Variants in GK5 observed in about 807,000 individuals in gnomAD.
GK5 encodes glycerol kinase 5.
GK5 carries 39 observed loss-of-function variants against 77.3 expected under a neutral mutation model. The observed-to-expected ratio is 0.50, with a 90% CI of 0.39 to 0.66. The LOEUF (loss-of-function observed/expected upper bound fraction) is 0.66. GK5 is among the 30% of genes least tolerant of loss of function. The probability of loss-of-function intolerance (pLI) is 0.00; values close to 1 mark genes in which losing one functional copy is unlikely to be tolerated. For missense variants in GK5, 487 were observed against 633.8 expected, an observed-to-expected ratio of 0.77 and a Z score of 2.49; for synonymous variants, 211 against 208.0, an observed-to-expected ratio of 1.01 and a Z score of -0.13.
intron 12 of GK5, among the ~76,000 whole-genome samples, chr3:142,174,420 A>C (rs2063580631): frequency 6.6e-6 from 1 of 152,196 alleles, no homozygotes; most frequent in Admixed American, 6.5e-5. Context: ...CATAAAACTA[A>C]GATTAGTCAG....
intron 1 of GK5, among the ~76,000 whole-genome samples, chr3:142,221,523 AT>A (rs890042099): frequency 1.6e-4 from 25 of 151,880 alleles, no homozygotes; most frequent in South Asian, 8.3e-4. Flanking sequence ...ATAAAAGTTA[AT>A]TTTTTTTTAT....
intron 4 of GK5, among the ~76,000 whole-genome samples, chr3:142,203,406 A>G (rs981692745): frequency 9.2e-5 from 14 of 152,228 alleles, no homozygotes; most frequent in Admixed American, 6.5e-5. Flanking sequence ...TGCTGTAGAC[A>G]GTCCCCTGGG....
At chr3:142,200,309 A>G (rs2064001309) in intron 4 of GK5, among the ~76,000 whole-genome samples, 1 of 152,138 alleles carries the variant, frequency 6.6e-6, no homozygotes, top group Non-Finnish European at 1.5e-5. Flanking sequence ...CTGGGATTAC[A>G]GGTGTGGATC....
chr3:142,205,806 G>A (rs2064097470), intron 3 of GK5, among the ~76,000 whole-genome samples: 1 of 152,096 alleles, frequency 6.6e-6, no homozygotes, highest in Admixed American at 6.5e-5. Flanking sequence ...ACAATTCAGT[G>A]GCAGTAAGTA....
intron 1 of GK5, among the ~76,000 whole-genome samples, chr3:142,223,137 T>C (rs2064376761): frequency 6.6e-6 from 1 of 152,202 alleles, no homozygotes; most frequent in African/African-American, 2.4e-5. Flanking sequence ...CTCACAGCAA[T>C]CTTGATCCAT....
At chr3:142,184,260 C>CAAAAAAAAAAAAAAA (rs1161704184) in intron 9 of GK5, among the ~76,000 whole-genome samples, 5 of 10,674 alleles carry the variant, frequency 4.7e-4, no homozygotes, top group Non-Finnish European at 7.0e-4. Flanking sequence ...GACTCTGTCT[C>CAAAAAAAAAAAAAAA]AAAAAAAAAA....
chr3:142,210,135 A>G (rs905574209), intron 3 of GK5, among the ~76,000 whole-genome samples: 1 of 152,164 alleles, frequency 6.6e-6, no homozygotes, highest in African/African-American at 2.4e-5. Flanking sequence ...GGTCCCTAAC[A>G]GGGGGATGGG....
At chr3:142,175,542 G>A (rs565976767) in intron 12 of GK5, among the ~76,000 whole-genome samples, 1 of 152,182 alleles carries the variant, frequency 6.6e-6, no homozygotes, top group Admixed American at 6.5e-5. Context: ...GTTCACATAG[G>A]CAGATTATAG....
rs528180940 is a variant in GK5 at position 142,219,101 on chromosome 3, A to G, written c.148-3409T>C. 2.6e-5 allele frequency among the ~76,000 whole-genome samples: 4 copies of G among 152,292 alleles called. No homozygotes were observed. The South Asian group carries it at 6.2e-4, about 24-fold the overall frequency. ...GATGTGGAACAACTGGAACTCTGAT[A>G]CATTGTTGATGAGAATGCAAAATGG... On this transcript the variant is annotated intron_variant, in intron 1 of 15. Transcript: ENST00000392993.
intron 5 of GK5, among the ~76,000 whole-genome samples, chr3:142,189,548 C>T (rs2063819951): frequency 6.6e-6 from 1 of 152,008 alleles, no homozygotes. Context: ...AGCACAATGC[C>T]TGACAGGTGG....
chr3:142,166,966 G>C (rs1174085103), intron 15 of GK5, among the ~76,000 whole-genome samples: 6 of 152,146 alleles, frequency 3.9e-5, no homozygotes, highest in Non-Finnish European at 5.9e-5. Flanking sequence ...AAATCTTCAT[G>C]AAGTACATTT....
At chr3:142,207,182 G>A (rs1006005512) in intron 3 of GK5, among the ~76,000 whole-genome samples, 3 of 152,146 alleles carry the variant, frequency 2.0e-5, no homozygotes, top group Admixed American at 2.0e-4. Flanking sequence ...CATAGCTCTG[G>A]GAATGGAATG....
intron 3 of GK5, among the ~76,000 whole-genome samples, chr3:142,210,722 A>G (rs1011034150): frequency 1.3e-5 from 2 of 152,238 alleles, no homozygotes; most frequent in African/African-American, 4.8e-5. Flanking sequence ...ACCAGTAAGG[A>G]AAGTGAACTG....
At chr3:142,216,269 A>G (rs2064275743) in intron 1 of GK5, among the ~76,000 whole-genome samples, 1 of 152,166 alleles carries the variant, frequency 6.6e-6, no homozygotes, top group South Asian at 2.1e-4. Flanking sequence ...TAGGGCACAG[A>G]GGAAGTGCCA....
Position 142,159,179 on chromosome 3 carries a change from G to T in GK5, c.*6443C>A, listed in dbSNP as rs550729238. On this transcript the variant is annotated 3_prime_UTR_variant, in exon 16 of 16. Coordinates refer to ENST00000392993, the MANE Select transcript of GK5 (RefSeq NM_001039547.3). ...TATGAACAGATATTTCACTGAAAAG[G>T]ATAAACAGAATGGTTGAAATAAGAA... 1 of 152,276 alleles carries T rather than the reference G, an allele frequency of 6.6e-6. No individual in the cohort carries two copies. The highest frequency in any genetic ancestry group is 1.9e-4 in the East Asian group (1 of 5,186). The allele number at this position is 152,276 out of a possible 1,614,324, so 9.4% of individuals were successfully genotyped here. A position where few individuals can be genotyped will look rare whatever the true frequency, so the allele number is the denominator to read the frequency against.
chr3:142,186,515 T>C lies in GK5; in HGVS notation c.620-2A>G, dbSNP rs1182237550. On this transcript the variant is annotated splice_acceptor_variant, in intron 6 of 15. Transcript: ENST00000392993. LOFTEE classifies it high-confidence loss of function. ...AAAAATCTGTGGCATATACAGAACCTAAATTTAAATAGGAAATAATACATT... is the reference window on the plus strand; with the variant it reads ...AAAAATCTGTGGCATATACAGAACCCAAATTTAAATAGGAAATAATACATT... 1.4e-6 allele frequency: 2 copies of C among 1,424,474 alleles called. No individual in the cohort carries two copies. The highest frequency in any genetic ancestry group is 1.4e-5 in the African/African-American group (1 of 69,682). The allele number at this position is 1,424,474 out of a possible 1,614,324, so 88.2% of individuals were successfully genotyped here. A position where few individuals can be genotyped will look rare whatever the true frequency, so the allele number is the denominator to read the frequency against.
intron 12 of GK5, 130 bp from the exon 13 acceptor site, chr3:142,172,586 T>C (rs2063553658): frequency 2.1e-6 from 1 of 487,040 alleles, no homozygotes; most frequent in Non-Finnish European, 3.7e-6. Flanking sequence ...AATTTTAAAA[T>C]AAAAGATTAT....
intron 1 of GK5, among the ~76,000 whole-genome samples, chr3:142,216,633 G>A (rs958171000): frequency 3.3e-5 from 5 of 152,070 alleles, no homozygotes; most frequent in African/African-American, 1.2e-4. Flanking sequence ...CACCAGGGGA[G>A]GTTCAGGGAA....
chr3:142,188,109 C>G (rs1388318407), intron 5 of GK5, among the ~76,000 whole-genome samples: 1 of 151,914 alleles, frequency 6.6e-6, no homozygotes, highest in Admixed American at 6.6e-5. Context: ...TAAACATACA[C>G]TAGTCGGCTG....
Sources: gnomAD v4.1 joint callset for allele counts (sites outside exome capture counted in the v4.1 genomes callset) on GRCh38, gnomAD v4.1.1 for gene constraint, MANE v1.5 for transcripts, NCBI Gene and HGNC (gene_info 2026-07-23, HGNC 2026-07-21) for gene names.